ERCC4: variants seen among roughly 807,000 people sequenced by gnomAD.
The protein encoded by ERCC4 is DNA repair endonuclease XPF.
In ERCC4, 65 loss-of-function variants were observed where a neutral mutation model predicts 76.9. That is an observed-to-expected ratio of 0.84 (90% confidence interval 0.69 to 1.04). The LOEUF is 1.04. Among genes scored for constraint, ERCC4 ranks in the 50% least tolerant of loss-of-function variants. The pLI, the probability that ERCC4 is intolerant of heterozygous loss-of-function variation, is 0.00. For synonymous variants in ERCC4, 463 were observed against 410.1 expected (o/e 1.13, Z -1.56); for missense variants, 1,214 against 1,128.2 (o/e 1.08, Z -1.09).
chr16:13,942,996 C>T lies in ERCC4; in HGVS notation c.1905-1727C>T, dbSNP rs1388759201. Reference sequence around the variant, plus strand: ...TTGCAGAGGGCTTTTCAGCAGGTAGCGCTTGAGTCTGGTATTGAGAATAAT... The same window carrying T: ...TTGCAGAGGGCTTTTCAGCAGGTAGTGCTTGAGTCTGGTATTGAGAATAAT... On this transcript the variant is annotated intron_variant, in intron 9 of 10. Coordinates refer to ENST00000311895, the MANE Select transcript of ERCC4 (RefSeq NM_005236.3). Among the ~76,000 whole-genome samples the T allele has an allele frequency of 2.6e-5, 4 of 152,276 alleles. No homozygotes were observed. In the South Asian group the frequency reaches 6.2e-4, roughly 24 times the overall value.
At position 13,920,158 on chromosome 16, in the gene ERCC4, G is replaced by T. The variant is rs763809454; in HGVS notation, c.-8G>T. 1 of 1,603,824 alleles carries T rather than the reference G, an allele frequency of 6.2e-7. No homozygotes were observed. The highest frequency in any genetic ancestry group is 2.2e-5 in the East Asian group (1 of 44,878). On this transcript the variant is annotated 5_prime_UTR_variant, in exon 1 of 11. Coordinates refer to ENST00000311895, the MANE Select transcript of ERCC4 (RefSeq NM_005236.3). ...GGCTGCGTTCGGCTGCGACCCGGAAGAGCTTCCATGGAGTCAGGGCAGCCG... is the reference window on the plus strand; with the variant it reads ...GGCTGCGTTCGGCTGCGACCCGGAATAGCTTCCATGGAGTCAGGGCAGCCG...
chr16:13,951,460 G>A lies in ERCC4; in HGVS notation c.*3113G>A. On this transcript the variant is annotated 3_prime_UTR_variant, in exon 11 of 11. Transcript: ENST00000311895. ...CCTCTTTTGATACTTTCTTAAAATT[G>A]TGCAAGAAGAAATCATTTTTAGTAG... is the stretch of plus-strand genomic sequence containing the variant. 1 of 207,190 alleles carries A rather than the reference G, an allele frequency of 4.8e-6. No individual in the cohort carries two copies. The highest frequency in any genetic ancestry group is 2.3e-5 in the African/African-American group (1 of 44,018). The allele number at this position is 207,190 out of a possible 1,614,324, so 12.8% of individuals were successfully genotyped here.
In ERCC4 at chr16:13,920,351, C is replaced by G; in HGVS notation, c.186C>G (p.Leu62=). ...ACCCAGCCTGCCTGGTGCTGGTGCT[C>G]AACACGCAGCCGGCCGAGGAGGTGC... is the stretch of plus-strand genomic sequence containing the variant. ...HCHPACLVLV[L]NTQPAEEEYF... is the part of the protein sequence containing the mutation. Residue 62 remains leucine, a synonymous_variant, in exon 1 of 11, where the codon CTC becomes CTG. Coordinates refer to ENST00000311895, the MANE Select transcript of ERCC4 (RefSeq NM_005236.3). The G allele has an allele frequency of 6.3e-7, 1 of 1,589,930 alleles. No individual in the cohort carries two copies.
chr16:13,944,793 G>A lies in ERCC4; in HGVS notation c.1975G>A (p.Gly659Ser), dbSNP rs753506602. The change falls in exon 10 of 11, where the codon GGC (glycine) becomes AGC (serine). Residue 659 changes from glycine to serine, a missense_variant. Physicochemically the swap from Gly to Ser is moderately conservative, Grantham distance 56 (BLOSUM62 0). Coordinates refer to ENST00000311895, the MANE Select transcript of ERCC4 (RefSeq NM_005236.3). ...TGAAACAAACTTAGACCTAGTAAGA[G>A]GCACAGCATCTGCAGATGTTTCCAC... Reference protein sequence around the residue: ...RDETNLDLVRGTASADVSTDT... With the variant: ...RDETNLDLVRSTASADVSTDT... 3 of 1,613,996 alleles carry A rather than the reference G, an allele frequency of 1.9e-6. No homozygotes were observed. The highest frequency in any genetic ancestry group is 1.7e-6 in the Non-Finnish European group (2 of 1,179,822).
intron 9 of ERCC4, among the ~76,000 whole-genome samples, chr16:13,940,796 A>C (rs538014909): frequency 1.3e-5 from 2 of 152,216 alleles, no homozygotes; most frequent in Non-Finnish European, 2.9e-5. Flanking sequence ...CTCAGAGCTC[A>C]TCTCCCAGGA....
intron 4 of ERCC4, among the ~76,000 whole-genome samples, chr16:13,929,329 C>T (rs2032128530): frequency 6.6e-6 from 1 of 152,066 alleles, no homozygotes; most frequent in Admixed American, 6.6e-5. Flanking sequence ...TTATATATCC[C>T]AGTTTGTTCA....
rs748400348 is a variant in ERCC4 at position 13,944,821 on chromosome 16, A to T, written c.2003A>T (p.Asp668Val). 6.2e-7 allele frequency: 1 copy of T among 1,610,924 alleles called. No homozygotes were observed. Among genetic ancestry groups the T allele is most frequent in the Non-Finnish European group, 8.5e-7 (1 of 1,177,056 alleles). ...RGTASADVSTDTRKAGGQEQN... is the reference protein window; with the variant it reads ...RGTASADVSTVTRKAGGQEQN... ...ACAGCATCTGCAGATGTTTCCACTG[A>T]CACTCGGAAAGCCGGTGAGTCCTGC... Residue 668 changes from aspartate (D) to valine (V), a missense_variant, in exon 10 of 11, where the codon GAC (aspartate) becomes GTC (valine). Coordinates refer to ENST00000311895, the MANE Select transcript of ERCC4 (RefSeq NM_005236.3).
At chr16:13,921,918 CATT>C (rs756240191) in intron 1 of ERCC4, 110 bp from the exon 2 acceptor site, 1 of 701,622 alleles carries the variant, frequency 1.4e-6, no homozygotes, top group East Asian at 2.7e-5. Context: ...TGTGTATATT[CATT>C]ATTAAGTTCA....
chr16:13,948,028 A>G lies in ERCC4; in HGVS notation c.2432A>G (p.Glu811Gly). The G allele has an allele frequency of 6.2e-7, 1 of 1,614,104 alleles. No individual in the cohort carries two copies. The highest frequency in any genetic ancestry group is 8.5e-7 in the Non-Finnish European group (1 of 1,180,008). The change falls in exon 11 of 11, where the codon GAG becomes GGG. Residue 811 changes from glutamate (E) to glycine (G), a missense_variant. Physicochemically the swap from Glu to Gly is moderately conservative, Grantham distance 98. Transcript: ENST00000311895. ...TGCCCCTCTCCTCATGCAACGGCGG[A>G]GTTGTTTGAGGAGCTGAAACAAAGC... ...LWCPSPHATA[E>G]LFEELKQSKP...
chr16:13,928,522 G>A (rs1047708966), intron 4 of ERCC4, among the ~76,000 whole-genome samples: 4 of 152,064 alleles, frequency 2.6e-5, no homozygotes, highest in African/African-American at 7.2e-5. Context: ...ACTTTGAAAT[G>A]ACAACACTTG....
At chr16:13,947,047 C>T (rs534279622) in intron 10 of ERCC4, among the ~76,000 whole-genome samples, 6 of 152,308 alleles carry the variant, frequency 3.9e-5, no homozygotes, top group African/African-American at 1.2e-4. Context: ...CAGGCGTGAG[C>T]CACCGCGCCC....
intron 9 of ERCC4, among the ~76,000 whole-genome samples, chr16:13,939,162 C>T (rs754454794): frequency 3.9e-5 from 6 of 152,152 alleles, no homozygotes; most frequent in African/African-American, 7.2e-5. Context: ...TTATACCAGC[C>T]GCCTCTTGTT....
intron 8 of ERCC4, 53 bp from the exon 9 acceptor site, chr16:13,937,713 C>A: frequency 1.8e-6 from 2 of 1,089,256 alleles, no homozygotes; most frequent in Non-Finnish European, 2.9e-6. Flanking sequence ...CTGTTCCTTT[C>A]AGGGATTAAA....
At chr16:13,931,580 A>G (rs906884772) in intron 5 of ERCC4, 1 of 156,822 alleles carries the variant, frequency 6.4e-6, no homozygotes, top group African/African-American at 2.4e-5. Flanking sequence ...ATTCTTATGT[A>G]AAACTCTTCT....
At position 13,949,891 on chromosome 16, in the gene ERCC4, T is replaced by TTGC; in HGVS notation, c.*1546_*1548dup. On this transcript the variant is annotated 3_prime_UTR_variant, in exon 11 of 11. Coordinates refer to ENST00000311895, the MANE Select transcript of ERCC4 (RefSeq NM_005236.3). ...TCATCAACATCAGCTGTTTTTTTGT[T>TTGC]TGCTACACTATTTGAACTAATAGAC... The TTGC allele has an allele frequency of 8.6e-6, 2 of 232,664 alleles. No individual in the cohort carries two copies. The highest frequency in any genetic ancestry group is 1.2e-4 in the East Asian group (2 of 16,420). The allele number at this position is 232,664 out of a possible 1,614,324, so 14.4% of individuals were successfully genotyped here.
intron 2 of ERCC4, 125 bp downstream of exon 2, chr16:13,922,336 A>T: frequency 1.2e-6 from 1 of 800,528 alleles, no homozygotes; most frequent in Non-Finnish European, 2.2e-6. Flanking sequence ...AGCTCCCTAC[A>T]TCACCTTTGG....
intron 5 of ERCC4, chr16:13,931,758 A>G (rs796772854): frequency 1.1e-4 from 20 of 185,566 alleles, no homozygotes; most frequent in Non-Finnish European, 1.9e-4. Flanking sequence ...TTTCCAGTAA[A>G]CCAAAGAAGC....
In ERCC4 at chr16:13,949,504, A is replaced by G. The variant is rs1306459321; in HGVS notation, c.*1157A>G. 4.3e-6 allele frequency: 1 copy of G among 233,020 alleles called. No individual in the cohort carries two copies. Among genetic ancestry groups the G allele is most frequent in the Non-Finnish European group, 8.5e-6 (1 of 117,982 alleles). The allele number at this position is 233,020 out of a possible 1,614,324, so 14.4% of individuals were successfully genotyped here. ...AGGGTGGCTACTTCTCTCTGTGAGG[A>G]CTCAAATACAAGCCAATGAGTGGCC... is the stretch of plus-strand genomic sequence containing the variant. On this transcript the variant is annotated 3_prime_UTR_variant, in exon 11 of 11. Transcript: ENST00000311895.
chr16:13,930,795 C>G lies in ERCC4; in HGVS notation c.878C>G (p.Thr293Ser). The G allele has an allele frequency of 6.2e-7, 1 of 1,611,906 alleles. No homozygotes were observed. ...GTTCAGGATTTGAAGATATTACGAA[C>G]TTTGCTGCAGTATCTCTCTCAGTAT... Reference protein sequence around the residue: ...SLVQDLKILRTLLQYLSQYDC... With the variant: ...SLVQDLKILRSLLQYLSQYDC... Residue 293 changes from threonine (T) to serine (S), a missense_variant, in exon 5 of 11, where the codon ACT (threonine) becomes AGT (serine). Physicochemically the swap from Thr to Ser is moderately conservative, Grantham distance 58 (BLOSUM62 1). Coordinates refer to ENST00000311895, the MANE Select transcript of ERCC4 (RefSeq NM_005236.3).
Sources: allele counts gnomAD v4.1 joint callset (sites outside exome capture counted in the v4.1 genomes callset), GRCh38; gene constraint gnomAD v4.1.1; transcripts MANE v1.5; gene names NCBI Gene and HGNC (gene_info 2026-07-23, HGNC 2026-07-21).